The following GPR146 variants were observed in gnomAD, a reference collection of about 807,000 sequenced individuals.
GPR146 encodes G-protein coupled receptor 146.
For missense variants in GPR146, 381 were observed against 213.9 expected, an observed-to-expected ratio of 1.78 and a Z score of -4.87; for synonymous variants, 203 against 104.3, an observed-to-expected ratio of 1.95 and a Z score of -5.77.
rs1339655988 is a variant in GPR146, at chr7:1,059,006, T to G, written c.*489T>G. The G allele has an allele frequency of 5.5e-6, 1 of 183,380 alleles. No homozygotes were observed. Among genetic ancestry groups the G allele is most frequent in the Non-Finnish European group, 1.3e-5 (1 of 76,792 alleles). 11.4% of individuals were successfully genotyped at this position (183,380 alleles called of 1,614,324 possible). On this transcript the variant is annotated 3_prime_UTR_variant, in exon 2 of 2. Transcript: ENST00000444847. ...GTGGGCGGCGTGTGCTAGCAAGGCC[T>G]GCCGGGTGTGCCGCAGTCACCACAG...
In GPR146 at chr7:1,058,178, C is replaced by A. The variant is rs149466595; in HGVS notation, c.663C>A (p.Asp221Glu). Residue 221 changes from aspartate (D) to glutamate (E), a missense_variant, in exon 2 of 2, where the codon GAC (aspartate) becomes GAA (glutamate). Asp to Glu is a conservative substitution (Grantham distance 45, BLOSUM62 2). Transcript: ENST00000444847. ...SRVRREDTPLDRDTGRLEPSA... is the reference protein window; with the variant it reads ...SRVRREDTPLERDTGRLEPSA... The stretch of plus-strand genomic sequence containing the variant: ...TCCGCAGGGAGGACACGCCCCTGGA[C>A]CGGGACACGGGCCGGCTGGAGCCCT... 8.6e-4 allele frequency: 636 copies of A among 740,418 alleles called. No individual in the cohort carries two copies. Among genetic ancestry groups the A allele is most frequent in the Non-Finnish European group, 1.3e-3 (529 of 403,940 alleles). 45.9% of individuals were successfully genotyped at this position (740,418 alleles called of 1,614,324 possible).
chr7:1,045,479 C>CA (rs1328739857), intron 1 of GPR146: 2 of 152,360 alleles, frequency 1.3e-5, no homozygotes, highest in East Asian at 3.9e-4. Flanking sequence ...CATTCAATAA[C>CA]AGAGGGCCAA....
Position 1,052,864 on chromosome 7 carries a change from C to A in GPR146, c.-24-4628C>A, listed in dbSNP as rs1783268410. ...CCTTCTCTGTGGTCTCTCCTGCCTT[C>A]TGAGGGAGCCTCCAGAATCTTTCAT... On this transcript the variant is annotated intron_variant, in intron 1 of 1. Transcript: ENST00000444847. This position sits in a 1 kb window ranked among gnomAD's most constrained non-coding sequence, Gnocchi z 4.2. Among the ~76,000 whole-genome samples the A allele has an allele frequency of 6.6e-6, 1 of 152,162 alleles. No individual in the cohort carries two copies. The highest frequency in any genetic ancestry group is 6.5e-5 in the Admixed American group (1 of 15,290).
rs755301624 is a variant in GPR146, at chr7:1,057,796, T to G, written c.281T>G (p.Leu94Arg). The change falls in exon 2 of 2, where the codon CTG (leucine) becomes CGG (arginine). Residue 94 changes from leucine to arginine, a missense_variant. Coordinates refer to ENST00000444847, the MANE Select transcript of GPR146 (RefSeq NM_001303473.2). The stretch of plus-strand genomic sequence containing the variant: ...GGCCCCCCGAGCTCCCGGTGGGCGC[T>G]GTGGAGTGTGGGCGGCGAAGTCCAC... ...LLGPPSSRWALWSVGGEVHVA... is the reference protein window; with the variant it reads ...LLGPPSSRWARWSVGGEVHVA... 1 of 765,128 alleles carries G rather than the reference T, an allele frequency of 1.3e-6. No homozygotes were observed. Among genetic ancestry groups the G allele is most frequent in the Non-Finnish European group, 2.4e-6 (1 of 413,270 alleles). 47.4% of individuals were successfully genotyped at this position (765,128 alleles called of 1,614,324 possible). A position where few individuals can be genotyped will look rare whatever the true frequency, so the allele number is the denominator to read the frequency against.
intron 1 of GPR146, among the ~76,000 whole-genome samples, chr7:1,049,982 C>T (rs1199833161): frequency 1.3e-5 from 2 of 152,186 alleles, no homozygotes; most frequent in African/African-American, 2.4e-5. Flanking sequence ...AGCTGCCCCA[C>T]ACTGTCGGCC....
In GPR146 at chr7:1,057,908, T is replaced by C. The variant is rs193005221; in HGVS notation, c.393T>C (p.Arg131=). Reference sequence around the variant, plus strand: ...TGAGCCTCGACCACTACATCGAGCGTGCACTGCCGCGGACCTACATGGCCA... The same window carrying C: ...TGAGCCTCGACCACTACATCGAGCGCGCACTGCCGCGGACCTACATGGCCA... The part of the protein sequence containing the change: ...ALLSLDHYIE[R]ALPRTYMASV... The change falls in exon 2 of 2, where the codon CGT becomes CGC. Residue 131 remains arginine, a synonymous_variant. Transcript: ENST00000444847. 3.1e-5 allele frequency: 24 copies of C among 775,884 alleles called. No individual in the cohort carries two copies. The East Asian group carries it at 4.6e-4, about 15-fold the overall frequency. The allele number at this position is 775,884 out of a possible 1,614,324, so 48.1% of individuals were successfully genotyped here. A position where few individuals can be genotyped will look rare whatever the true frequency, so the allele number is the denominator to read the frequency against.
intron 1 of GPR146, among the ~76,000 whole-genome samples, chr7:1,045,034 A>T (rs1782451351): frequency 6.6e-6 from 1 of 152,234 alleles, no homozygotes; most frequent in Non-Finnish European, 1.5e-5. Flanking sequence ...TTAGTATTTT[A>T]AAGTGAGTTT....
chr7:1,055,333 G>A (rs1426488510), intron 1 of GPR146: 1 of 471,140 alleles, frequency 2.1e-6, no homozygotes, highest in Non-Finnish European at 4.4e-6. Context: ...GCGGCCAGGC[G>A]CGCTGCTGAT....
rs1784166694 is a variant in GPR146, at chr7:1,058,833, G to A, written c.*316G>A. The A allele has an allele frequency of 2.7e-6, 1 of 369,816 alleles. No individual in the cohort carries two copies. The highest frequency in any genetic ancestry group is 2.0e-5 in the African/African-American group (1 of 49,224). 22.9% of individuals were successfully genotyped at this position (369,816 alleles called of 1,614,324 possible). A position where few individuals can be genotyped will look rare whatever the true frequency, so the allele number is the denominator to read the frequency against. On this transcript the variant is annotated 3_prime_UTR_variant, in exon 2 of 2. Coordinates refer to ENST00000444847, the MANE Select transcript of GPR146 (RefSeq NM_001303473.2). ...TTGTCAATGAAGTGATGAAAGCTTA[G>A]AGCCAGTATTTATACTTTGTGGTTA... is the stretch of plus-strand genomic sequence containing the variant.
rs191138487 is a variant in GPR146, at chr7:1,052,997, C to T, written c.-24-4495C>T. Among the ~76,000 whole-genome samples, 101 of 152,338 alleles carry T rather than the reference C, an allele frequency of 6.6e-4. No homozygotes were observed. Among genetic ancestry groups the T allele is most frequent in the African/African-American group, 2.3e-3 (94 of 41,574 alleles). ...CTAAGTCTCCCATCACCTGGCTCCC[C>T]GTTCCTCTTTCCCTTGAAGGAAGTC... On this transcript the variant is annotated intron_variant, in intron 1 of 1. Coordinates refer to ENST00000444847, the MANE Select transcript of GPR146 (RefSeq NM_001303473.2). This position sits in a 1 kb window ranked among gnomAD's most constrained non-coding sequence, Gnocchi z 4.2.
intron 1 of GPR146, among the ~76,000 whole-genome samples, chr7:1,047,469 C>T (rs1782685905): frequency 6.6e-6 from 1 of 152,262 alleles, no homozygotes; most frequent in Non-Finnish European, 1.5e-5. Context: ...AATCAGTGTG[C>T]GTAAGCTCTC....
At chr7:1,053,798 G>C (rs543303561) in intron 1 of GPR146, among the ~76,000 whole-genome samples, 1 of 152,216 alleles carries the variant, frequency 6.6e-6, no homozygotes, top group Non-Finnish European at 1.5e-5. Flanking sequence ...CTGCACTCCA[G>C]CCTGGGCAAC....
chr7:1,048,637 C>T (rs1782807464), intron 1 of GPR146, among the ~76,000 whole-genome samples: 1 of 152,180 alleles, frequency 6.6e-6, no homozygotes, highest in Non-Finnish European at 1.5e-5. Context: ...TCATTATTAA[C>T]AGACTGTTTG....
chr7:1,053,323 T>C (rs963779241), intron 1 of GPR146, among the ~76,000 whole-genome samples: 1 of 152,086 alleles, frequency 6.6e-6, no homozygotes, highest in Non-Finnish European at 1.5e-5. Context: ...GGGAGGGGCG[T>C]CCACAGTAGA....
Position 1,044,607 on chromosome 7 carries a change from G to A in GPR146, c.-76G>A, listed in dbSNP as rs1484934228. 1 of 151,122 alleles carries A rather than the reference G, an allele frequency of 6.6e-6. No homozygotes were observed. Among genetic ancestry groups the A allele is most frequent in the African/African-American group, 2.4e-5 (1 of 41,322 alleles). The allele number at this position is 151,122 out of a possible 1,614,324, so 9.4% of individuals were successfully genotyped here. A position where few individuals can be genotyped will look rare whatever the true frequency, so the allele number is the denominator to read the frequency against. ...GCCGTGAGCCCCGCCGCCTCCGCCA[G>A]CCCGAGCTGCCCGCCCGGCGGCGAC... On this transcript the variant is annotated 5_prime_UTR_variant, in exon 1 of 2. Coordinates refer to ENST00000444847, the MANE Select transcript of GPR146 (RefSeq NM_001303473.2).
chr7:1,046,372 T>C (rs1457765322), intron 1 of GPR146, among the ~76,000 whole-genome samples: 2 of 152,168 alleles, frequency 1.3e-5, no homozygotes, highest in Non-Finnish European at 2.9e-5. Flanking sequence ...CACGGTGCTG[T>C]TTTCTGTCAA....
chr7:1,056,854 C>G (rs955767174), intron 1 of GPR146: 4 of 92,138 alleles, frequency 4.3e-5, no homozygotes, highest in African/African-American at 1.3e-4. Context: ...AATGCCTGTG[C>G]TTTGGCGGGG....
At chr7:1,046,353 C>T (rs1483332281) in intron 1 of GPR146, among the ~76,000 whole-genome samples, 2 of 152,228 alleles carry the variant, frequency 1.3e-5, no homozygotes, top group African/African-American at 4.8e-5. Flanking sequence ...GTCATGCACA[C>T]GACGATCCCA....
At chr7:1,049,300 G>A (rs977021547) in intron 1 of GPR146, among the ~76,000 whole-genome samples, 1 of 152,266 alleles carries the variant, frequency 6.6e-6, no homozygotes, top group Non-Finnish European at 1.5e-5. Flanking sequence ...CCAAAGATCT[G>A]CAGGCGTCAT....
Sources: gnomAD v4.1 joint callset for allele counts (sites outside exome capture counted in the v4.1 genomes callset) on GRCh38, gnomAD v4.1.1 for gene constraint, Gnocchi (gnomAD v3.1) non-coding constraint, MANE v1.5 for transcripts, NCBI Gene and HGNC (gene_info 2026-07-23, HGNC 2026-07-21) for gene names.